CAMK4: variants seen among roughly 807,000 people sequenced by gnomAD.
CAMK4 encodes calcium/calmodulin dependent protein kinase IV.
A neutral mutation model predicts 44.9 loss-of-function variants in CAMK4; 22 were observed. The ratio of observed to expected loss-of-function variants is 0.49; its 90% CI spans 0.35 to 0.70. CAMK4 has a LOEUF of 0.70. CAMK4 is among the 30% of genes least tolerant of loss of function. CAMK4 has a pLI of 0.01. For missense variants in CAMK4, 498 were observed against 586.8 expected (o/e 0.85, Z 1.56); for synonymous variants, 218 against 215.4 (o/e 1.01, Z -0.11).
intron 2 of CAMK4, among the ~76,000 whole-genome samples, chr5:111,347,019 T>C (rs1484151016): frequency 2.6e-5 from 4 of 151,844 alleles, no homozygotes; most frequent in Non-Finnish European, 5.9e-5. Context: ...ACAGGCAAAA[T>C]CATAAATCAA....
intron 5 of CAMK4, among the ~76,000 whole-genome samples, chr5:111,408,389 C>A (rs1200161205): frequency 2.0e-5 from 3 of 152,150 alleles, no homozygotes; most frequent in African/African-American, 7.2e-5. Context: ...TGGTGACAGG[C>A]AAGAGGGCTT....
intron 1 of CAMK4, among the ~76,000 whole-genome samples, chr5:111,329,500 A>G (rs1749061080): frequency 1.3e-5 from 2 of 151,908 alleles, no homozygotes; most frequent in Admixed American, 6.6e-5. Flanking sequence ...CACTAATACC[A>G]CATTATTTTA....
intron 5 of CAMK4, among the ~76,000 whole-genome samples, chr5:111,439,238 T>G (rs2112956146): frequency 6.6e-6 from 1 of 152,280 alleles, no homozygotes; most frequent in South Asian, 2.1e-4. Context: ...GTGCCATATC[T>G]AGATCTTTCT....
chr5:111,471,290 G>A (rs1240868901), intron 7 of CAMK4, among the ~76,000 whole-genome samples: 2 of 152,178 alleles, frequency 1.3e-5, no homozygotes, highest in African/African-American at 4.8e-5. Context: ...GTTGACTATT[G>A]TTTCTGCTCT....
At chr5:111,311,763 A>T (rs189147215) in intron 1 of CAMK4, among the ~76,000 whole-genome samples, 2 of 152,318 alleles carry the variant, frequency 1.3e-5, no homozygotes, top group East Asian at 3.9e-4. Flanking sequence ...AAGGACAATC[A>T]TAAATATTAT....
intron 5 of CAMK4, among the ~76,000 whole-genome samples, chr5:111,402,989 C>A: frequency 6.6e-6 from 1 of 152,158 alleles, no homozygotes; most frequent in South Asian, 2.1e-4. Context: ...CAATAAGATA[C>A]TGAACCGTTT....
intron 1 of CAMK4, among the ~76,000 whole-genome samples, chr5:111,286,704 A>G (rs557753510): frequency 1.3e-5 from 2 of 152,288 alleles, no homozygotes; most frequent in African/African-American, 4.8e-5. Flanking sequence ...AATCACTAAT[A>G]TTATAAATAT....
intron 2 of CAMK4, among the ~76,000 whole-genome samples, chr5:111,354,473 G>A (rs955431403): frequency 1.3e-5 from 2 of 150,484 alleles, no homozygotes; most frequent in Non-Finnish European, 2.9e-5. Flanking sequence ...GTGAGGTGAT[G>A]GATTTGTTAA....
chr5:111,422,237 G>T (rs943977818), intron 5 of CAMK4, among the ~76,000 whole-genome samples: 4 of 152,140 alleles, frequency 2.6e-5, no homozygotes, highest in African/African-American at 9.7e-5. Flanking sequence ...TCATATAGAT[G>T]ATCTGCTTTC....
At chr5:111,420,467 C>T (rs1752984707) in intron 5 of CAMK4, among the ~76,000 whole-genome samples, 2 of 152,098 alleles carry the variant, frequency 1.3e-5, no homozygotes, top group Admixed American at 1.3e-4. Flanking sequence ...TCAGAACTTC[C>T]AACACTATAT....
intron 4 of CAMK4, 50 bp downstream of exon 4, chr5:111,376,992 C>CA: frequency 1.7e-6 from 2 of 1,145,644 alleles, no homozygotes; most frequent in South Asian, 2.7e-5. Context: ...TTTTGGCCAC[C>CA]AAAAAATAAT....
At chr5:111,358,477 T>G (rs1017732954) in intron 2 of CAMK4, among the ~76,000 whole-genome samples, 1 of 152,008 alleles carries the variant, frequency 6.6e-6, no homozygotes, top group East Asian at 1.9e-4. Flanking sequence ...GAGTATCAGA[T>G]GGATAGTTAT....
rs142739715 is a variant in CAMK4 at position 111,314,885 on chromosome 5, G to T, written c.162-29139G>T. ...TCTTAATGTTGACATTTTGAAGAGT[G>T]GATCATATCAATTTAGATGATGAAA... On this transcript the variant is annotated intron_variant, in intron 1 of 10. Coordinates refer to ENST00000282356, the MANE Select transcript of CAMK4 (RefSeq NM_001744.6). Among the ~76,000 whole-genome samples, 223 of 152,080 alleles carry T rather than the reference G, an allele frequency of 1.5e-3. 1 individual carries two copies. Among genetic ancestry groups the T allele is most frequent in the African/African-American group, 5.2e-3 (214 of 41,518 alleles).
chr5:111,239,687 G>A (rs948758070), intron 1 of CAMK4, among the ~76,000 whole-genome samples: 17 of 152,126 alleles, frequency 1.1e-4, no homozygotes, highest in African/African-American at 3.6e-4. Flanking sequence ...GATTAAATGA[G>A]GTCAGTGCAT....
chr5:111,457,516 C>T (rs1280616530), intron 7 of CAMK4, among the ~76,000 whole-genome samples: 1 of 152,248 alleles, frequency 6.6e-6, no homozygotes, highest in African/African-American at 2.4e-5. Context: ...ACACTTGCCA[C>T]ATTGCTACTT....
chr5:111,325,517 A>G (rs914198860), intron 1 of CAMK4, among the ~76,000 whole-genome samples: 5 of 152,064 alleles, frequency 3.3e-5, no homozygotes, highest in Admixed American at 3.3e-4. Flanking sequence ...CAGCCTCGCT[A>G]GCATCTGTCT....
chr5:111,318,937 A>G (rs1748546195), intron 1 of CAMK4, among the ~76,000 whole-genome samples: 1 of 152,112 alleles, frequency 6.6e-6, no homozygotes, highest in South Asian at 2.1e-4. Flanking sequence ...TTCTTTTATA[A>G]CAATATTCTT....
intron 5 of CAMK4, among the ~76,000 whole-genome samples, chr5:111,445,763 G>A (rs957057224): frequency 6.6e-6 from 1 of 152,142 alleles, no homozygotes; most frequent in Non-Finnish European, 1.5e-5. Context: ...AAAGAAATCT[G>A]TTCATATAAA....
intron 4 of CAMK4, among the ~76,000 whole-genome samples, chr5:111,386,955 G>C (rs1364198801): frequency 3.3e-5 from 5 of 152,210 alleles, no homozygotes; most frequent in African/African-American, 1.2e-4. Context: ...TTTGTTTTGA[G>C]CTCTGAGCCC....
Sources: allele counts gnomAD v4.1 joint callset (sites outside exome capture counted in the v4.1 genomes callset), GRCh38; gene constraint gnomAD v4.1.1; transcripts MANE v1.5; gene names NCBI Gene and HGNC (gene_info 2026-07-23, HGNC 2026-07-21).